The following ZNF407 variants were observed in gnomAD, a reference collection of about 807,000 sequenced individuals.
The protein encoded by ZNF407 is zinc finger protein 407.
Under a neutral mutation model 131.2 loss-of-function variants are expected in ZNF407, and 17 were observed. The ratio of observed to expected loss-of-function variants is 0.13; its 90% CI spans 0.09 to 0.19. The LOEUF (loss-of-function observed/expected upper bound fraction) is 0.19. Among genes scored for constraint, ZNF407 ranks in the 10% least tolerant of loss-of-function variants. The pLI, the probability that ZNF407 is intolerant of heterozygous loss-of-function variation, is 1.00. For missense variants in ZNF407, 2,681 were observed against 2,830.6 expected, an observed-to-expected ratio of 0.95 and a Z score of 1.20; for synonymous variants, 1,156 against 1,062.0, an observed-to-expected ratio of 1.09 and a Z score of -1.72.
intron 8 of ZNF407, among the ~76,000 whole-genome samples, chr18:74,947,314 A>G (rs1409365117): frequency 6.6e-6 from 1 of 152,122 alleles, no homozygotes; most frequent in Admixed American, 6.5e-5. Flanking sequence ...CCTGGGAGAA[A>G]TAAAAATATT....
At chr18:74,764,329 G>A (rs1010086356) in intron 3 of ZNF407, among the ~76,000 whole-genome samples, 3 of 151,954 alleles carry the variant, frequency 2.0e-5, no homozygotes, top group Non-Finnish European at 2.9e-5. Context: ...TTTATTCAAG[G>A]TCACTATTCT....
rs1419714828 is a variant in ZNF407 at position 74,633,495 on chromosome 18, G to T, written c.2476G>T (p.Gly826Cys). The T allele has an allele frequency of 6.2e-7, 1 of 1,613,960 alleles. No homozygotes were observed. The highest frequency in any genetic ancestry group is 1.7e-5 in the Admixed American group (1 of 60,024). Residue 826 changes from glycine (G) to cysteine (C), a missense_variant, in exon 2 of 9, where the codon GGT (glycine) becomes TGT (cysteine). Coordinates refer to ENST00000299687, the MANE Select transcript of ZNF407 (RefSeq NM_017757.3). Reference sequence around the variant, plus strand: ...GTCTGAGGAACTGTCACAGTCTGGTGGTAGCACCAAAGATGATGAATTAGC... The same window carrying T: ...GTCTGAGGAACTGTCACAGTCTGGTTGTAGCACCAAAGATGATGAATTAGC... ...LASEELSQSG[G>C]STKDDELAST...
At chr18:74,779,611 A>G in intron 3 of ZNF407, among the ~76,000 whole-genome samples, 1 of 152,208 alleles carries the variant, frequency 6.6e-6, no homozygotes, top group Non-Finnish European at 1.5e-5. Context: ...TTATTATTTC[A>G]CTAAATATTC....
chr18:74,960,652 TCAGTGCTGG>T lies in ZNF407; in HGVS notation c.5428+39961_5428+39969del, dbSNP rs1568283684. Among the ~76,000 whole-genome samples, 356 of 136,416 alleles carry T rather than the reference TCAGTGCTGG, an allele frequency of 2.6e-3. 36 individuals carry two copies. The highest frequency in any genetic ancestry group is 0.01 in the African/African-American group (328 of 31,438). The allele number at this position is 136,416 out of a possible 152,430, so 89.5% of individuals were successfully genotyped here. On this transcript the variant is annotated intron_variant, in intron 8 of 8. Coordinates refer to ENST00000299687, the MANE Select transcript of ZNF407 (RefSeq NM_017757.3). ...TGGAGGGATAGGAGAAGGTCCTGAGTCAGTGCTGGGTGGAGGGATAGGAGAAGGTCCTGA... is the reference window on the plus strand; with the variant it reads ...TGGAGGGATAGGAGAAGGTCCTGAGTGTGGAGGGATAGGAGAAGGTCCTGA...
chr18:74,896,574 A>G (rs1209288097), intron 7 of ZNF407, among the ~76,000 whole-genome samples: 1 of 152,126 alleles, frequency 6.6e-6, no homozygotes, highest in Non-Finnish European at 1.5e-5. Context: ...TCACCTGCAC[A>G]CAGTTCAGCC....
chr18:74,994,870 A>G (rs1972762212), intron 8 of ZNF407, among the ~76,000 whole-genome samples: 1 of 152,166 alleles, frequency 6.6e-6, no homozygotes, highest in Admixed American at 6.5e-5. Context: ...ATTTTTTTCT[A>G]CAATTGATGA....
At chr18:74,842,901 G>A (rs1216749187) in intron 4 of ZNF407, among the ~76,000 whole-genome samples, 3 of 151,976 alleles carry the variant, frequency 2.0e-5, no homozygotes, top group Non-Finnish European at 2.9e-5. Context: ...ATTTTTAGTA[G>A]AGACAGGGTT....
chr18:74,899,409 G>A (rs1971493868), intron 7 of ZNF407, among the ~76,000 whole-genome samples: 2 of 152,128 alleles, frequency 1.3e-5, no homozygotes, highest in African/African-American at 2.4e-5. Flanking sequence ...AGAGCTGCAC[G>A]CCATCCTTCG....
chr18:74,709,205 T>G (rs544063690), intron 3 of ZNF407, among the ~76,000 whole-genome samples: 1 of 152,320 alleles, frequency 6.6e-6, no homozygotes, highest in South Asian at 2.1e-4. Flanking sequence ...CTTTAAAAAT[T>G]GCATACGTAT....
chr18:74,719,430 T>G (rs543983868), intron 3 of ZNF407, among the ~76,000 whole-genome samples: 3 of 152,236 alleles, frequency 2.0e-5, no homozygotes, highest in African/African-American at 7.2e-5. Context: ...GACGGAGTCT[T>G]GCTCTGTCGC....
chr18:74,717,835 T>G (rs1457967517), intron 3 of ZNF407, among the ~76,000 whole-genome samples: 1 of 152,258 alleles, frequency 6.6e-6, no homozygotes, highest in Admixed American at 6.5e-5. Flanking sequence ...AAATTTGGAA[T>G]GCTCCAATGA....
At position 74,701,519 on chromosome 18, in the gene ZNF407, T is replaced by C. The variant is rs1353261281; in HGVS notation, c.4802+60397T>C. On this transcript the variant is annotated intron_variant, in intron 3 of 8. Coordinates refer to ENST00000299687, the MANE Select transcript of ZNF407 (RefSeq NM_017757.3). ...AGACAGGCACAAGTCATAAGGCACCTGGGATCAAGAAACAAACGAGTACCA... is the reference window on the plus strand; with the variant it reads ...AGACAGGCACAAGTCATAAGGCACCCGGGATCAAGAAACAAACGAGTACCA... Among the ~76,000 whole-genome samples the C allele has an allele frequency of 4.6e-5, 7 of 152,204 alleles. No individual in the cohort carries two copies. In the East Asian group the frequency reaches 1.2e-3, roughly 25 times the overall value.
intron 1 of ZNF407, among the ~76,000 whole-genome samples, chr18:74,599,255 C>T (rs894320856): frequency 1.3e-5 from 2 of 152,212 alleles, no homozygotes; most frequent in African/African-American, 4.8e-5. Flanking sequence ...TTTCTTCTTG[C>T]GTGACATGTA....
intron 8 of ZNF407, among the ~76,000 whole-genome samples, chr18:74,972,528 A>G (rs994778580): frequency 6.6e-6 from 1 of 152,084 alleles, no homozygotes; most frequent in Non-Finnish European, 1.5e-5. Flanking sequence ...TTATCTGATC[A>G]CGTCTAGTCT....
At chr18:74,836,179 TG>T (rs921187089) in intron 4 of ZNF407, among the ~76,000 whole-genome samples, 6 of 152,180 alleles carry the variant, frequency 3.9e-5, no homozygotes, top group African/African-American at 1.4e-4. Context: ...TCAGAGAATT[TG>T]AGCATAAAAC....
At chr18:74,629,866 ATAT>A (rs1276240049) in intron 1 of ZNF407, among the ~76,000 whole-genome samples, 5 of 152,198 alleles carry the variant, frequency 3.3e-5, no homozygotes, top group South Asian at 4.1e-4. Context: ...AATAAAATCA[ATAT>A]TATTGATTTC....
rs181307531 is a variant in ZNF407 at position 74,676,281 on chromosome 18, A to G, written c.4802+35159A>G. Among the ~76,000 whole-genome samples, 392 of 152,036 alleles carry G rather than the reference A, an allele frequency of 2.6e-3. 1 individual carries two copies. Among genetic ancestry groups the G allele is most frequent in the African/African-American group, 9.0e-3 (374 of 41,464 alleles). ...TAATTTTTTGTGTTTTAGTAGAGAC[A>G]GGGTTTCACTGTGTTGCCCAGGCTG... is the stretch of plus-strand genomic sequence containing the variant. On this transcript the variant is annotated intron_variant, in intron 3 of 8. Coordinates refer to ENST00000299687, the MANE Select transcript of ZNF407 (RefSeq NM_017757.3).
At chr18:74,723,393 G>A (rs1168394957) in intron 3 of ZNF407, among the ~76,000 whole-genome samples, 1 of 152,044 alleles carries the variant, frequency 6.6e-6, no homozygotes, top group African/African-American at 2.4e-5. Context: ...TATGTTGTAC[G>A]GACTCTGGAT....
At chr18:74,993,696 C>T (rs956309937) in intron 8 of ZNF407, among the ~76,000 whole-genome samples, 4 of 152,074 alleles carry the variant, frequency 2.6e-5, no homozygotes, top group Admixed American at 2.0e-4. Context: ...AAATACGCAG[C>T]GATTAAGTAA....
Sources: gnomAD v4.1 joint callset for allele counts (sites outside exome capture counted in the v4.1 genomes callset) on GRCh38, gnomAD v4.1.1 for gene constraint, MANE v1.5 for transcripts, NCBI Gene and HGNC (gene_info 2026-07-23, HGNC 2026-07-21) for gene names.